The following AQP9 variants were observed in gnomAD, a reference collection of about 807,000 sequenced individuals.
AQP9 encodes the protein aquaporin 9.
Under a neutral mutation model 23.8 loss-of-function variants are expected in AQP9, and 19 were observed. That is an observed-to-expected ratio of 0.80 (90% CI 0.56 to 1.17). The LOEUF is 1.17. Ranked by LOEUF, AQP9 falls within the 50% of genes most tolerant of loss-of-function variation. AQP9 has a pLI of 0.00. For synonymous variants in AQP9, 153 were observed against 131.5 expected, an observed-to-expected ratio of 1.16 and a Z score of -1.12; for missense variants, 413 against 362.0, an observed-to-expected ratio of 1.14 and a Z score of -1.14.
In AQP9 at chr15:58,175,685, G is replaced by C. The variant is rs140166814; in HGVS notation, c.495+649G>C. Among the ~76,000 whole-genome samples, 1,179 of 152,296 alleles carry C rather than the reference G, an allele frequency of 7.7e-3. 7 individuals carry two copies. The highest frequency in any genetic ancestry group is 0.031 in the Middle Eastern group (9 of 294). ...ATCTTGGTCAGGGCAGTGGAAGGAA[G>C]GCTATATTTTTCAGTATCTCTAAGT... On this transcript the variant is annotated intron_variant, in intron 4 of 5. Transcript: ENST00000219919.
upstream of AQP9, chr15:58,138,340 C>T (rs1442289325): frequency 4.8e-6 from 2 of 412,990 alleles, no homozygotes; most frequent in East Asian, 3.9e-5. Context: ...GGTTCTAAGT[C>T]GCAGATTCAA....
At chr15:58,176,051 A>G (rs538196138) in intron 4 of AQP9, among the ~76,000 whole-genome samples, 1 of 152,294 alleles carries the variant, frequency 6.6e-6, no homozygotes, top group African/African-American at 2.4e-5. Flanking sequence ...AAAGTACTGA[A>G]CTTTTTGGGT....
intron 2 of AQP9, among the ~76,000 whole-genome samples, chr15:58,171,224 A>T (rs1898613919): frequency 6.6e-6 from 1 of 151,976 alleles, no homozygotes; most frequent in Admixed American, 6.5e-5. Context: ...AGTAGCTGGG[A>T]ATGCAGGTGC....
intron 1 of AQP9, among the ~76,000 whole-genome samples, chr15:58,140,193 A>T (rs548067552): frequency 1.4e-5 from 2 of 146,344 alleles, no homozygotes; most frequent in Non-Finnish European, 1.5e-5. Context: ...AATGAACTAC[A>T]CATCTTTTTT....
intron 1 of AQP9, chr15:58,155,742 C>A (rs1898241829): frequency 6.6e-6 from 1 of 152,136 alleles, no homozygotes; most frequent in African/African-American, 2.4e-5. Context: ...TTAGCCAACC[C>A]CCTCAATACC....
chr15:58,155,028 A>T (rs1015297580), intron 1 of AQP9: 3 of 152,156 alleles, frequency 2.0e-5, no homozygotes, highest in Non-Finnish European at 2.9e-5. Flanking sequence ...ATCTTCCCAC[A>T]CCATCCAACA....
intron 2 of AQP9, among the ~76,000 whole-genome samples, chr15:58,167,402 CAG>C: frequency 6.6e-6 from 1 of 152,314 alleles, no homozygotes; most frequent in East Asian, 1.9e-4. Context: ...CAAAGACACT[CAG>C]AATCTTTCAG....
chr15:58,184,377 T>C lies in AQP9; in HGVS notation c.*242T>C. 3 of 412,002 alleles carry C rather than the reference T, an allele frequency of 7.3e-6. No homozygotes were observed. Among genetic ancestry groups the C allele is most frequent in the Non-Finnish European group, 1.3e-5 (3 of 236,928 alleles). 25.5% of individuals were successfully genotyped at this position (412,002 alleles called of 1,614,324 possible). ...GACTGTCCCCTGAAACAGCCTTCTC[T>C]CCTGCCCTGTTTATTTCATCCTCGA... On this transcript the variant is annotated 3_prime_UTR_variant, in exon 6 of 6. Transcript: ENST00000219919.
chr15:58,140,767 GT>G (rs1174887500), intron 1 of AQP9, among the ~76,000 whole-genome samples: 1 of 151,790 alleles, frequency 6.6e-6, no homozygotes, highest in African/African-American at 2.4e-5. Context: ...ATGTGAGATT[GT>G]TTTTTTTCCG....
chr15:58,176,786 T>G (rs1391650003), intron 4 of AQP9, among the ~76,000 whole-genome samples: 1 of 151,986 alleles, frequency 6.6e-6, no homozygotes, highest in Non-Finnish European at 1.5e-5. Flanking sequence ...AATTTTTGTA[T>G]TTTTAGTAGA....
At position 58,159,253 on chromosome 15, in the gene AQP9, A is replaced by G. The variant is rs549017192; in HGVS notation, c.112-7420A>G. ...TTAGAAATTATACCTCCCACTTTTC[A>G]CATTTCATATCCTACCCCCAAATTA... On this transcript the variant is annotated intron_variant, in intron 1 of 5. Coordinates refer to ENST00000219919, the MANE Select transcript of AQP9 (RefSeq NM_020980.5). 3.6e-3 allele frequency among the ~76,000 whole-genome samples: 545 copies of G among 151,468 alleles called. 1 individual carries two copies. The highest frequency in any genetic ancestry group is 0.012 in the African/African-American group (484 of 41,308).
At chr15:58,155,525 A>T (rs1217217305) in intron 1 of AQP9, 2 of 152,112 alleles carry the variant, frequency 1.3e-5, no homozygotes, top group Non-Finnish European at 2.9e-5. Flanking sequence ...ACCTTTCATC[A>T]TTGCAGCTTT....
At chr15:58,141,631 A>G (rs1897955252) in intron 1 of AQP9, among the ~76,000 whole-genome samples, 1 of 152,162 alleles carries the variant, frequency 6.6e-6, no homozygotes, top group Non-Finnish European at 1.5e-5. Context: ...GGTTGATTGT[A>G]TGTGAGAAAT....
Position 58,175,028 on chromosome 15 carries a change from G to A in AQP9, c.487G>A (p.Ala163Thr). 6.2e-7 allele frequency: 1 copy of A among 1,611,904 alleles called. No homozygotes were observed. Among genetic ancestry groups the A allele is most frequent in the Non-Finnish European group, 8.5e-7 (1 of 1,177,948 alleles). The change falls in exon 4 of 6, where the codon GCA becomes ACA. Residue 163 changes from alanine to threonine, a missense_variant. Physicochemically the swap from Ala to Thr is moderately conservative, Grantham distance 58 (BLOSUM62 0). Coordinates refer to ENST00000219919, the MANE Select transcript of AQP9 (RefSeq NM_020980.5). The stretch of plus-strand genomic sequence containing the variant: ...GTATCTATCTCTGGCGAACGCATTT[G>A]CAGATCAAGTAAGTGTAGATTCAAC... ...APYLSLANAF[A>T]DQVVATMILL...
At position 58,179,110 on chromosome 15, in the gene AQP9, C is replaced by A. The variant is rs1238412101; in HGVS notation, c.496-18C>A. 3 of 1,572,026 alleles carry A rather than the reference C, an allele frequency of 1.9e-6. No homozygotes were observed. The South Asian group carries it at 3.3e-5, about 17-fold the overall frequency. On this transcript the variant is annotated intron_variant, in intron 4 of 5. Coordinates refer to ENST00000219919, the MANE Select transcript of AQP9 (RefSeq NM_020980.5). ...CAGAATGCAGGCTAAAGCCCTGGCT[C>A]AACTTCTCCCTCTCCAGGTGGTGGC... is the stretch of plus-strand genomic sequence containing the variant.
At chr15:58,145,719 C>G (rs1323649861) in intron 1 of AQP9, among the ~76,000 whole-genome samples, 1 of 152,048 alleles carries the variant, frequency 6.6e-6, no homozygotes, top group Non-Finnish European at 1.5e-5. Context: ...CTATCATTTA[C>G]TGGTTTATTT....
chr15:58,182,540 T>C (rs1025506166), intron 5 of AQP9, among the ~76,000 whole-genome samples: 3 of 152,164 alleles, frequency 2.0e-5, no homozygotes, highest in Non-Finnish European at 4.4e-5. Context: ...AAGGAAATGA[T>C]GGACCCAACA....
chr15:58,154,584 A>G (rs1297289323), intron 1 of AQP9, among the ~76,000 whole-genome samples: 7 of 49,482 alleles, frequency 1.4e-4, no homozygotes, highest in Non-Finnish European at 3.2e-4. Flanking sequence ...TATAATGACC[A>G]TCCCATCATA....
chr15:58,150,513 T>A (rs1161709589), intron 1 of AQP9: 4 of 152,650 alleles, frequency 2.6e-5, no homozygotes, highest in African/African-American at 9.6e-5. Flanking sequence ...TATTGACACT[T>A]CATAGATATA....
Sources: gnomAD v4.1 joint callset for allele counts (sites outside exome capture counted in the v4.1 genomes callset) on GRCh38, gnomAD v4.1.1 for gene constraint, MANE v1.5 for transcripts, NCBI Gene and HGNC (gene_info 2026-07-23, HGNC 2026-07-21) for gene names.